The following DHX30 variants were observed in gnomAD, a reference collection of about 807,000 sequenced individuals.
DHX30 encodes DExH-box helicase 30, also known as ATP-dependent RNA helicase DHX30.
In DHX30, 4 loss-of-function variants were observed where a neutral mutation model predicts 116.9. The observed-to-expected ratio is 0.03, with a 90% CI of 0.02 to 0.08. The LOEUF (loss-of-function observed/expected upper bound fraction) is 0.08, where lower values mean the gene tolerates loss of function less well. DHX30 is among the 10% of genes least tolerant of loss of function. DHX30 has a pLI of 1.00. For synonymous variants in DHX30, 697 were observed against 651.7 expected, an observed-to-expected ratio of 1.07 and a Z score of -1.06; for missense variants, 871 against 1,595.1, an observed-to-expected ratio of 0.55 and a Z score of 7.73.
At chr3:47,838,418 C>T (rs914433780) in intron 6 of DHX30, among the ~76,000 whole-genome samples, 2 of 152,212 alleles carry the variant, frequency 1.3e-5, no homozygotes, top group Non-Finnish European at 2.9e-5. Flanking sequence ...CATGGATTTA[C>T]ATCCTTTTGC....
chr3:47,826,811 A>G (rs2036574697), intron 4 of DHX30, among the ~76,000 whole-genome samples: 2 of 152,168 alleles, frequency 1.3e-5, no homozygotes, highest in Admixed American at 6.5e-5. Flanking sequence ...AGTCTTTTGC[A>G]GTGTGCTTAG....
chr3:47,843,527 T>C (rs2037468719), intron 9 of DHX30, among the ~76,000 whole-genome samples: 1 of 152,184 alleles, frequency 6.6e-6, no homozygotes, highest in Admixed American at 6.5e-5. Flanking sequence ...ACTTGCTCAT[T>C]GTTCTGAATA....
chr3:47,827,097 G>A (rs1425700358), intron 4 of DHX30, among the ~76,000 whole-genome samples: 5 of 152,176 alleles, frequency 3.3e-5, no homozygotes, highest in East Asian at 1.9e-4. Flanking sequence ...AGAGGATGCT[G>A]GTAGGATCCC....
At chr3:47,849,821 G>A (rs1192771475) in intron 21 of DHX30, 46 bp from the exon 22 acceptor site, 2 of 1,608,692 alleles carry the variant, frequency 1.2e-6, no homozygotes, top group Admixed American at 1.7e-5. Flanking sequence ...GCTCCTCCGG[G>A]GCCTGGCCTC....
chr3:47,816,441 T>C, intron 3 of DHX30: 2 of 976,868 alleles, frequency 2.0e-6, no homozygotes, highest in Non-Finnish European at 2.4e-6. Context: ...CACTGCATCC[T>C]CCGCCTCCCG....
intron 4 of DHX30, among the ~76,000 whole-genome samples, chr3:47,820,398 G>GGCTCCTGTA (rs1330094722): frequency 6.6e-6 from 1 of 152,088 alleles, no homozygotes; most frequent in Non-Finnish European, 1.5e-5. Context: ...GTGCCCACCT[G>GGCTCCTGTA]GCTCCTGTAG....
rs199921329 is a variant in DHX30 at position 47,849,663 on chromosome 3, G to A, written c.3225G>A (p.Thr1075=). The A allele has an allele frequency of 4.0e-5, 64 of 1,614,204 alleles. No individual in the cohort carries two copies. Among genetic ancestry groups the A allele is most frequent in the Admixed American group, 3.2e-4 (19 of 60,028 alleles). ...CACGGTTACGGAGCCGATGGCTGAC[G>A]TATTTCATGGCAGTCAAGTCCAATG... The part of the protein sequence containing the change: ...EATRLRSRWL[T]YFMAVKSNGS... The change falls in exon 21 of 22, where the codon ACG becomes ACA. Residue 1075 remains threonine, a synonymous_variant. Transcript: ENST00000445061.
intron 4 of DHX30, chr3:47,825,106 C>A: frequency 3.0e-6 from 2 of 673,706 alleles, no homozygotes; most frequent in South Asian, 1.5e-5. Context: ...GCCGCTGGGT[C>A]CCCGCGCTGC....
chr3:47,827,734 C>T (rs999419298), intron 5 of DHX30, among the ~76,000 whole-genome samples: 6 of 152,126 alleles, frequency 3.9e-5, no homozygotes, highest in Admixed American at 2.0e-4. Flanking sequence ...TGGTTTTTGC[C>T]CCCATCGACT....
At chr3:47,827,970 C>T (rs751713732) in intron 5 of DHX30, among the ~76,000 whole-genome samples, 7 of 152,132 alleles carry the variant, frequency 4.6e-5, no homozygotes, top group African/African-American at 1.2e-4. Context: ...GTGATCCTCC[C>T]GCCTCAGCCT....
intron 18 of DHX30, 26 bp downstream of exon 18, chr3:47,849,105 C>T: frequency 6.2e-7 from 1 of 1,611,158 alleles, no homozygotes; most frequent in South Asian, 1.1e-5. Flanking sequence ...ACCTGCTCTC[C>T]TGAGCCCCTC....
intron 4 of DHX30, among the ~76,000 whole-genome samples, chr3:47,820,899 GCT>G (rs769021285): frequency 6.7e-6 from 1 of 148,580 alleles, no homozygotes; most frequent in Non-Finnish European, 1.5e-5. Context: ...CATGCGTAAG[GCT>G]CTCTCTTTTT....
intron 4 of DHX30, among the ~76,000 whole-genome samples, chr3:47,818,827 T>C (rs1296227648): frequency 6.6e-6 from 1 of 152,168 alleles, no homozygotes; most frequent in Non-Finnish European, 1.5e-5. Flanking sequence ...CCTGGAAGCC[T>C]TTTTGTCCTA....
chr3:47,812,539 C>T (rs2035847399), intron 3 of DHX30, among the ~76,000 whole-genome samples: 1 of 142,628 alleles, frequency 7.0e-6, no homozygotes, highest in African/African-American at 2.6e-5. Flanking sequence ...GCCTGGGCGA[C>T]AGGGCAAGAA....
chr3:47,813,304 C>T (rs1283462010), intron 3 of DHX30, among the ~76,000 whole-genome samples: 1 of 152,168 alleles, frequency 6.6e-6, no homozygotes, highest in African/African-American at 2.4e-5. Flanking sequence ...GATCGCGCCA[C>T]TGTCTGGCCT....
intron 8 of DHX30, chr3:47,842,795 A>C (rs962350656): frequency 3.9e-6 from 1 of 259,514 alleles, no homozygotes; most frequent in African/African-American, 2.2e-5. Flanking sequence ...TCATGCTGAC[A>C]GCTTCAACCC....
chr3:47,819,448 AGT>A (rs2036203745), intron 4 of DHX30, among the ~76,000 whole-genome samples: 1 of 152,144 alleles, frequency 6.6e-6, no homozygotes, highest in Admixed American at 6.5e-5. Flanking sequence ...TCCCCAGAGG[AGT>A]GCAGACCCCT....
intron 2 of DHX30, among the ~76,000 whole-genome samples, chr3:47,808,620 G>T (rs1160689492): frequency 6.6e-6 from 1 of 151,204 alleles, no homozygotes; most frequent in Admixed American, 6.6e-5. Flanking sequence ...CTGTTGCCCA[G>T]GCTGGAGTGC....
Position 47,850,082 on chromosome 3 carries a change from T to C in DHX30, c.3547T>C (p.Cys1183Arg). 1 of 1,596,332 alleles carries C rather than the reference T, an allele frequency of 6.3e-7. No individual in the cohort carries two copies. The highest frequency in any genetic ancestry group is 8.5e-7 in the Non-Finnish European group (1 of 1,173,716). Residue 1183 changes from cysteine (C) to arginine (R), a missense_variant, in exon 22 of 22, where the codon TGT (cysteine) becomes CGT (arginine). Physicochemically the swap from Cys to Arg is radical, Grantham distance 180. Around this residue, in one of 13 missense-constraint regions of DHX30, gnomAD observed 52 missense variants for 50.1 expected, o/e 1.04. Transcript: ENST00000445061. ...ACTGGCAGAGCTGCTGCGAGGACCC[T>C]GTGGCAGCTTTGATGTGCGCAAGAC... is the stretch of plus-strand genomic sequence containing the variant. ...ALLAELLRGP[C>R]GSFDVRKTAD...
Sources: gnomAD v4.1 joint callset for allele counts (sites outside exome capture counted in the v4.1 genomes callset) on GRCh38, gnomAD v4.1.1 for gene constraint, gnomAD v4.1.1 regional missense constraint, MANE v1.5 for transcripts, NCBI Gene and HGNC (gene_info 2026-07-23, HGNC 2026-07-21) for gene names.